POFUT1: variants seen among roughly 807,000 people sequenced by gnomAD.
The protein encoded by POFUT1 is GDP-fucose protein O-fucosyltransferase 1.
In POFUT1, 16 loss-of-function variants were observed where a neutral mutation model predicts 42.4. The ratio of observed to expected loss-of-function variants is 0.38; its 90% CI spans 0.26 to 0.57. The LOEUF (loss-of-function observed/expected upper bound fraction) is 0.57, where lower values mean the gene tolerates loss of function less well. Among genes scored for constraint, POFUT1 ranks in the 20% least tolerant of loss-of-function variants. The pLI is 0.71. For missense variants in POFUT1, 470 were observed against 504.6 expected (o/e 0.93, Z 0.66); for synonymous variants, 206 against 205.4 (o/e 1.00, Z -0.03).
chr20:32,231,860 C>T (rs1402996085), intron 6 of POFUT1, among the ~76,000 whole-genome samples: 2 of 152,118 alleles, frequency 1.3e-5, no homozygotes, highest in Non-Finnish European at 2.9e-5. Flanking sequence ...TTGAAGAAGC[C>T]GTGAATAGTG....
At chr20:32,227,300 T>G (rs1187925852) in intron 4 of POFUT1, among the ~76,000 whole-genome samples, 4 of 152,158 alleles carry the variant, frequency 2.6e-5, no homozygotes. Context: ...GCAGATCACT[T>G]GAGTCCAGGA....
Position 32,230,988 on chromosome 20 carries a change from A to C in POFUT1, c.905A>C (p.Asp302Ala). The change falls in exon 6 of 7, where the codon GAT becomes GCT. Residue 302 changes from aspartate to alanine, a missense_variant. By Grantham distance (126) the Asp-to-Ala change is moderately radical (BLOSUM62 -2). Transcript: ENST00000375749. ...GTGAAGCTCTGGGTGAGGTCGCTGG[A>C]TGCCCAGTCGGTCTACGTTGCTACT... ...RAVKLWVRSL[D>A]AQSVYVATDS... The C allele has an allele frequency of 6.2e-7, 1 of 1,614,208 alleles. No homozygotes were observed. Among genetic ancestry groups the C allele is most frequent in the South Asian group, 1.1e-5 (1 of 91,086 alleles).
chr20:32,222,893 T>C, intron 4 of POFUT1: 2 of 985,434 alleles, frequency 2.0e-6, no homozygotes, highest in Non-Finnish European at 2.4e-6. Flanking sequence ...GCCACCTCCC[T>C]GTGGGAACCA....
intron 6 of POFUT1, 122 bp downstream of exon 6, chr20:32,231,183 C>A: frequency 9.4e-7 from 1 of 1,061,748 alleles, no homozygotes; most frequent in East Asian, 2.5e-5. Context: ...ACCTACCATT[C>A]CTCTTCAGTT....
intron 5 of POFUT1, among the ~76,000 whole-genome samples, chr20:32,229,802 A>T (rs1001206995): frequency 2.1e-5 from 3 of 144,558 alleles, no homozygotes; most frequent in African/African-American, 8.0e-5. Flanking sequence ...ACAGAGTCTC[A>T]CTCCATTGCC....
rs771028081 is a variant in POFUT1 at position 32,228,375 on chromosome 20, G to A, written c.655G>A (p.Val219Met). ...GTACATGGTATGGTCAGACGAAATG[G>A]TGAAGACGGGAGAGGCCCAGATTCA... is the stretch of plus-strand genomic sequence containing the variant. ...QKYMVWSDEM[V>M]KTGEAQIHAH... Residue 219 changes from valine (V) to methionine (M), a missense_variant, in exon 5 of 7, where the codon GTG becomes ATG. Transcript: ENST00000375749. 1 of 1,614,112 alleles carries A rather than the reference G, an allele frequency of 6.2e-7. No individual in the cohort carries two copies. The highest frequency in any genetic ancestry group is 1.3e-5 in the African/African-American group (1 of 74,942).
intron 2 of POFUT1, among the ~76,000 whole-genome samples, chr20:32,214,907 G>A (rs550468067): frequency 7.9e-5 from 12 of 152,004 alleles, no homozygotes; most frequent in East Asian, 3.9e-4. Flanking sequence ...TTTTTGAGAC[G>A]GAGTCTTGCT....
chr20:32,218,432 C>T (rs541072482), intron 4 of POFUT1, among the ~76,000 whole-genome samples: 4 of 152,338 alleles, frequency 2.6e-5, no homozygotes, highest in Non-Finnish European at 4.4e-5. Context: ...AGCTGCTGCG[C>T]CCAGTCCCAA....
At position 32,237,572 on chromosome 20, in the gene POFUT1, C is replaced by T; in HGVS notation, c.*2911C>T. 1 of 247,866 alleles carries T rather than the reference C, an allele frequency of 4.0e-6. No individual in the cohort carries two copies. Among genetic ancestry groups the T allele is most frequent in the Admixed American group, 4.4e-5 (1 of 22,576 alleles). The allele number at this position is 247,866 out of a possible 1,614,324, so 15.4% of individuals were successfully genotyped here. Reference sequence around the variant, plus strand: ...CAGGCATAGGCAGGGAACCGAGCAGCAGGTCAGAGCAGGCGAGCTGACATT... The same window carrying T: ...CAGGCATAGGCAGGGAACCGAGCAGTAGGTCAGAGCAGGCGAGCTGACATT... On this transcript the variant is annotated 3_prime_UTR_variant, in exon 7 of 7. Coordinates refer to ENST00000375749, the MANE Select transcript of POFUT1 (RefSeq NM_015352.2).
At chr20:32,217,070 A>G in intron 4 of POFUT1, 1 of 1,613,678 alleles carries the variant, frequency 6.2e-7, no homozygotes, top group Non-Finnish European at 8.5e-7. Context: ...CAGCTTCTAG[A>G]GAACAGCTTC....
rs935938724 is a variant in POFUT1, at chr20:32,235,002, G to A, written c.*341G>A. 5.0e-6 allele frequency: 1 copy of A among 198,702 alleles called. No individual in the cohort carries two copies. The highest frequency in any genetic ancestry group is 2.3e-5 in the African/African-American group (1 of 43,128). 12.3% of individuals were successfully genotyped at this position (198,702 alleles called of 1,614,324 possible). Reference sequence around the variant, plus strand: ...AACTCTTCAGAGAGATTTTTTTATAGAGAGATTTCTATAATTTTGATACAA... The same window carrying A: ...AACTCTTCAGAGAGATTTTTTTATAAAGAGATTTCTATAATTTTGATACAA... On this transcript the variant is annotated 3_prime_UTR_variant, in exon 7 of 7. Coordinates refer to ENST00000375749, the MANE Select transcript of POFUT1 (RefSeq NM_015352.2).
At chr20:32,222,585 C>A in intron 4 of POFUT1, 1 of 985,266 alleles carries the variant, frequency 1.0e-6, no homozygotes, top group Non-Finnish European at 1.2e-6. Flanking sequence ...TTCTTTCCCC[C>A]ACCTCGCCCG....
At chr20:32,208,492 G>T (rs2047306709) in intron 1 of POFUT1, among the ~76,000 whole-genome samples, 1 of 152,050 alleles carries the variant, frequency 6.6e-6, no homozygotes. Flanking sequence ...TCCTTGTAGA[G>T]CCTTCATTTT....
At chr20:32,222,688 TC>T (rs2047396758) in intron 4 of POFUT1, 2 of 985,274 alleles carry the variant, frequency 2.0e-6, no homozygotes, top group African/African-American at 3.5e-5. Context: ...AAGAGGTATT[TC>T]TTCTTTACCA....
In POFUT1 at chr20:32,216,921, T is replaced by C. The variant is rs1483950565; in HGVS notation, c.542+200T>C. ...GACACGGTGGAACATTGACCCGCCA[T>C]GAGATTGAGAAAGAGTTCATCGGTT... On this transcript the variant is annotated intron_variant, in intron 4 of 6. Transcript: ENST00000375749. 2.6e-5 allele frequency: 41 copies of C among 1,562,984 alleles called. 1 individual carries two copies. Among genetic ancestry groups the C allele is most frequent in the Admixed American group, 3.5e-5 (2 of 57,172 alleles).
intron 6 of POFUT1, among the ~76,000 whole-genome samples, chr20:32,234,011 C>G (rs892183141): frequency 3.3e-5 from 5 of 152,036 alleles, no homozygotes. Context: ...AGCAAGACTC[C>G]TCCTCTAAAA....
intron 6 of POFUT1, among the ~76,000 whole-genome samples, chr20:32,231,796 G>A (rs1262119198): frequency 6.6e-6 from 1 of 152,210 alleles, no homozygotes; most frequent in Non-Finnish European, 1.5e-5. Context: ...ATCATCAGTA[G>A]TAGAAATTGG....
At chr20:32,220,178 G>T (rs73237210) in intron 4 of POFUT1, among the ~76,000 whole-genome samples, 8,830 of 152,174 alleles carry the variant, frequency 0.058, 911 homozygotes, top group African/African-American at 0.2. Flanking sequence ...ATAGTTCATC[G>T]TATGTATATA....
intron 6 of POFUT1, among the ~76,000 whole-genome samples, chr20:32,232,968 C>T (rs1039878500): frequency 2.0e-5 from 3 of 152,138 alleles, no homozygotes; most frequent in African/African-American, 7.2e-5. Context: ...ACATTCTAGA[C>T]CCAGGAAAAG....
Sources: gnomAD v4.1 joint callset for allele counts (sites outside exome capture counted in the v4.1 genomes callset) on GRCh38, gnomAD v4.1.1 for gene constraint, MANE v1.5 for transcripts, NCBI Gene and HGNC (gene_info 2026-07-23, HGNC 2026-07-21) for gene names.